The following DNAAF4 variants were observed in gnomAD, a reference collection of about 807,000 sequenced individuals.
DNAAF4 encodes the protein dynein assembly factor 4, axonemal.
In DNAAF4, 43 loss-of-function variants were observed where a neutral mutation model predicts 51.8. That is an observed-to-expected ratio of 0.83 (90% CI 0.65 to 1.07). The LOEUF is 1.07. Ranked by LOEUF, DNAAF4 falls within the 50% of genes least tolerant of loss-of-function variation. The probability of loss-of-function intolerance (pLI) is 0.00; values close to 1 mark genes in which losing one functional copy is unlikely to be tolerated. For missense variants in DNAAF4, 581 were observed against 493.0 expected, an observed-to-expected ratio of 1.18 and a Z score of -1.69; for synonymous variants, 194 against 165.6, an observed-to-expected ratio of 1.17 and a Z score of -1.32.
At chr15:55,429,898 C>G (rs1211911161), downstream of DNAAF4, among the ~76,000 whole-genome samples, 1 of 151,936 alleles carries the variant, frequency 6.6e-6, no homozygotes. Context: ...TGCTATTGTG[C>G]TTAACACTTG....
chr15:55,475,933 TGA>T (rs1220187566), intron 4 of DNAAF4, among the ~76,000 whole-genome samples: 2 of 152,108 alleles, frequency 1.3e-5, no homozygotes, highest in Non-Finnish European at 2.9e-5. Context: ...ATTATGTAAA[TGA>T]GAGAGCTACG....
At chr15:55,438,294 T>C (rs2057649930) in intron 7 of DNAAF4, among the ~76,000 whole-genome samples, 1 of 150,710 alleles carries the variant, frequency 6.6e-6, no homozygotes, top group Non-Finnish European at 1.5e-5. Context: ...GAGTTTGCAT[T>C]GAGCCAAGAT....
Position 55,450,314 on chromosome 15 carries a change from C to A in DNAAF4, c.691G>T (p.Ala231Ser). The change falls in exon 6 of 10, where the codon GCT becomes TCT. Residue 231 changes from alanine (A) to serine (S), a missense_variant. Physicochemically the swap from Ala to Ser is moderately conservative, Grantham distance 99. Transcript: ENST00000321149. ...TTAATACTGCCAACAGAGCGAGGAG[C>A]AGGAATACTGTCTTCCTTTAACTTC... Reference protein sequence around the residue: ...TEKLKEDSIPAPRSVGSIKIN... With the variant: ...TEKLKEDSIPSPRSVGSIKIN... The A allele has an allele frequency of 6.2e-7, 1 of 1,613,930 alleles. No homozygotes were observed. The highest frequency in any genetic ancestry group is 8.5e-7 in the Non-Finnish European group (1 of 1,179,978).
downstream of DNAAF4, among the ~76,000 whole-genome samples, chr15:55,427,176 C>CT (rs2057438204): frequency 1.3e-5 from 2 of 152,018 alleles, no homozygotes; most frequent in South Asian, 4.2e-4. Context: ...AAGCAATTCT[C>CT]TGCCTCAGCC....
intron 4 of DNAAF4, among the ~76,000 whole-genome samples, chr15:55,469,306 G>A (rs999478651): frequency 6.6e-6 from 1 of 150,942 alleles, no homozygotes; most frequent in Non-Finnish European, 1.5e-5. Flanking sequence ...CTCAAACCTG[G>A]GGGACAAGAG....
intron 7 of DNAAF4, among the ~76,000 whole-genome samples, chr15:55,439,152 G>A (rs2057666311): frequency 6.6e-6 from 1 of 152,176 alleles, no homozygotes; most frequent in Non-Finnish European, 1.5e-5. Context: ...CCAGACTGGA[G>A]TGCAGTGGCA....
chr15:55,455,478 C>T (rs2058006428), intron 5 of DNAAF4, among the ~76,000 whole-genome samples: 1 of 151,228 alleles, frequency 6.6e-6, no homozygotes, highest in Non-Finnish European at 1.5e-5. Flanking sequence ...GTCACCCACA[C>T]TGGAATGCAG....
chr15:55,501,022 T>TA (rs374770939), intron 1 of DNAAF4, among the ~76,000 whole-genome samples: 5,636 of 143,460 alleles, frequency 0.039, 403 homozygotes, highest in African/African-American at 0.14. Context: ...AATGGAAACT[T>TA]AAAAAAAAAA....
downstream of DNAAF4, among the ~76,000 whole-genome samples, chr15:55,426,545 T>C (rs1256540644): frequency 3.3e-5 from 5 of 152,184 alleles, no homozygotes; most frequent in African/African-American, 1.2e-4. Flanking sequence ...TTGTCCTGCC[T>C]CAGACTCCTG....
rs144616491 is a variant in DNAAF4, at chr15:55,439,536, T to A, written c.829A>T (p.Ile277Leu). The change falls in exon 7 of 10, where the codon ATA becomes TTA. Residue 277 changes from isoleucine (I) to leucine (L), a missense_variant. Coordinates refer to ENST00000321149, the MANE Select transcript of DNAAF4 (RefSeq NM_130810.4). Reference sequence around the variant, plus strand: ...TCTTTTAAATCGCAAAGTTCAGCTATGTCAGTATTCATTGCTCTTCGTGCC... The same window carrying A: ...TCTTTTAAATCGCAAAGTTCAGCTAAGTCAGTATTCATTGCTCTTCGTGCC... ...AEARRAMNTD[I>L]AELCDLKEEE... The A allele has an allele frequency of 1.9e-6, 3 of 1,614,042 alleles. No individual in the cohort carries two copies. The highest frequency in any genetic ancestry group is 2.5e-6 in the Non-Finnish European group (3 of 1,180,030).
chr15:55,474,135 A>T (rs2058304598), intron 4 of DNAAF4, among the ~76,000 whole-genome samples: 1 of 152,234 alleles, frequency 6.6e-6, no homozygotes, highest in South Asian at 2.1e-4. Flanking sequence ...ACAAATATAG[A>T]TTACAAGGAG....
chr15:55,488,106 ATCTTTT>A (rs994057602), intron 4 of DNAAF4, among the ~76,000 whole-genome samples: 15 of 145,890 alleles, frequency 1.0e-4, no homozygotes, highest in African/African-American at 3.9e-4. Flanking sequence ...TGAAATACCA[ATCTTTT>A]TCTTTTTCTT....
intron 3 of DNAAF4, among the ~76,000 whole-genome samples, chr15:55,493,536 A>G (rs1374719429): frequency 6.6e-6 from 1 of 152,188 alleles, no homozygotes; most frequent in Non-Finnish European, 1.5e-5. Flanking sequence ...CTCCATGTCT[A>G]ATAGAAATAA....
chr15:55,454,370 ATTTG>A (rs767145023), intron 5 of DNAAF4, among the ~76,000 whole-genome samples: 1 of 151,626 alleles, frequency 6.6e-6, no homozygotes, highest in Non-Finnish European at 1.5e-5. Flanking sequence ...ATAATGTAAT[ATTTG>A]TTTGTTTTTG....
chr15:55,499,028 G>A (rs1243974206), intron 1 of DNAAF4, among the ~76,000 whole-genome samples: 3 of 152,160 alleles, frequency 2.0e-5, no homozygotes, highest in Middle Eastern at 3.2e-3. Flanking sequence ...AGCCCATGAG[G>A]AGCAGGTGCA....
At chr15:55,433,904 T>TATATATAA (rs1567000410) in intron 8 of DNAAF4, among the ~76,000 whole-genome samples, 1 of 16,342 alleles carries the variant, frequency 6.1e-5, no homozygotes, top group African/African-American at 4.7e-4. Context: ...ATTATATATA[T>TATATATAA]TATATATAAT....
At chr15:55,490,994 TA>T in intron 4 of DNAAF4, 128 bp downstream of exon 4, 1 of 1,063,106 alleles carries the variant, frequency 9.4e-7, no homozygotes, top group Non-Finnish European at 1.4e-6. Context: ...AGACAGTCTA[TA>T]TAACATAGTA....
Position 55,467,100 on chromosome 15 carries a change from G to A in DNAAF4, c.467C>T (p.Thr156Ile). 6.5e-7 allele frequency: 1 copy of A among 1,546,098 alleles called. No individual in the cohort carries two copies. The highest frequency in any genetic ancestry group is 8.7e-7 in the Non-Finnish European group (1 of 1,147,876). Reference protein sequence around the residue: ...DMKENERIKATKALEAWKEYQ... With the variant: ...DMKENERIKAIKALEAWKEYQ... ...TTCTTTCCAGGCTTCCAATGCTTTA[G>A]TGGCTTTTATCCGTTCATTTTCTTT... Residue 156 changes from threonine (T) to isoleucine (I), a missense_variant, in exon 5 of 10, where the codon ACT becomes ATT. Transcript: ENST00000321149.
At chr15:55,434,800 C>A (rs1235607186) in intron 8 of DNAAF4, 105 bp downstream of exon 8, 2 of 974,164 alleles carry the variant, frequency 2.1e-6, no homozygotes, top group African/African-American at 1.7e-5. Flanking sequence ...TCTTTAAAAT[C>A]TTTGCATCTC....
Sources: gnomAD v4.1 joint callset for allele counts (sites outside exome capture counted in the v4.1 genomes callset) on GRCh38, gnomAD v4.1.1 for gene constraint, MANE v1.5 for transcripts, NCBI Gene and HGNC (gene_info 2026-07-23, HGNC 2026-07-21) for gene names.